HSPG2: variants seen among roughly 807,000 people sequenced by gnomAD.
HSPG2 encodes the protein basement membrane-specific heparan sulfate proteoglycan core protein.
Under a neutral mutation model 526.6 loss-of-function variants are expected in HSPG2, and 278 were observed. The ratio of observed to expected loss-of-function variants is 0.53; its 90% CI spans 0.48 to 0.58. The LOEUF is 0.58. Among genes scored for constraint, HSPG2 ranks in the 20% least tolerant of loss-of-function variants. HSPG2 has a pLI of 0.00. For synonymous variants in HSPG2, 2,465 were observed against 2,555.4 expected (o/e 0.96, Z 1.07); for missense variants, 5,354 against 6,099.5 (o/e 0.88, Z 4.07).
At chr1:21,891,063 C>G (rs1167013199) in intron 3 of HSPG2, among the ~76,000 whole-genome samples, 1 of 152,190 alleles carries the variant, frequency 6.6e-6, no homozygotes, top group Non-Finnish European at 1.5e-5. Flanking sequence ...GCTCTGCCAG[C>G]CTTCCTCGGT....
rs1373524648 is a variant in HSPG2 at position 21,839,142 on chromosome 1, A to C, written c.9890-57T>G. On this transcript the variant is annotated intron_variant, in intron 73 of 96. Transcript: ENST00000374695. The surrounding 1 kb of genome is among the most constrained non-coding windows in gnomAD (Gnocchi z 4.5). The stretch of plus-strand genomic sequence containing the variant: ...GGAGGGCAAAGGTCAGAATGGCAGC[A>C]GGTCGTTGGATCCAGTGTCCAGGGA... 6.5e-7 allele frequency: 1 copy of C among 1,544,630 alleles called. No individual in the cohort carries two copies. The highest frequency in any genetic ancestry group is 8.8e-7 in the Non-Finnish European group (1 of 1,142,440).
chr1:21,855,558 C>T lies in HSPG2; in HGVS notation c.5819G>A (p.Gly1940Glu), dbSNP rs963341692. 6.2e-7 allele frequency: 1 copy of T among 1,603,480 alleles called. No homozygotes were observed. The highest frequency in any genetic ancestry group is 8.5e-7 in the Non-Finnish European group (1 of 1,176,380). ...QYLCRAHSSA[G>E]QQVARAVLHV... Reference sequence around the variant, plus strand: ...GAGCACAGCCCTGGCCACCTGCTGCCCAGCGCTGCTGTGGGCTCGGCACAA... The same window carrying T: ...GAGCACAGCCCTGGCCACCTGCTGCTCAGCGCTGCTGTGGGCTCGGCACAA... Residue 1940 changes from glycine (G) to glutamate (E), a missense_variant, in exon 46 of 97, where the codon GGG becomes GAG. By Grantham distance (98) the Gly-to-Glu change is moderately conservative. Coordinates refer to ENST00000374695, the MANE Select transcript of HSPG2 (RefSeq NM_005529.7).
intron 1 of HSPG2, among the ~76,000 whole-genome samples, chr1:21,934,282 G>A (rs1158121393): frequency 6.6e-6 from 1 of 152,256 alleles, no homozygotes; most frequent in Non-Finnish European, 1.5e-5. Flanking sequence ...GGGCAGATGA[G>A]AGCAAGGGTA....
intron 33 of HSPG2, among the ~76,000 whole-genome samples, chr1:21,871,363 G>A (rs1377730717): frequency 1.3e-5 from 2 of 149,168 alleles, no homozygotes; most frequent in African/African-American, 4.9e-5. Context: ...GGGTACCAGC[G>A]ATCCTCCCAC....
chr1:21,878,655 T>A lies in HSPG2; in HGVS notation c.2480A>T (p.Asp827Val), dbSNP rs752992263. ...GCCATCCGTGTCCAGGAAGCAAGTGTCTGAGAATCTGCAGGTATCAAGTGG... is the reference window on the plus strand; with the variant it reads ...GCCATCCGTGTCCAGGAAGCAAGTGACTGAGAATCTGCAGGTATCAAGTGG... ...PYIDASRRFS[D>V]TCFLDTDGQA... is the part of the protein sequence containing the mutation. The change falls in exon 19 of 97, where the codon GAC becomes GTC. Residue 827 changes from aspartate to valine, a missense_variant. Physicochemically the swap from Asp to Val is radical, Grantham distance 152. Coordinates refer to ENST00000374695, the MANE Select transcript of HSPG2 (RefSeq NM_005529.7). 2 of 1,614,002 alleles carry A rather than the reference T, an allele frequency of 1.2e-6. No homozygotes were observed. The highest frequency in any genetic ancestry group is 1.7e-6 in the Non-Finnish European group (2 of 1,179,940).
intron 1 of HSPG2, among the ~76,000 whole-genome samples, chr1:21,927,595 C>T (rs112663661): frequency 0.03 from 4,498 of 152,224 alleles, 123 homozygotes; most frequent in African/African-American, 0.069. Flanking sequence ...ATGGGAGCCC[C>T]TGGCCACACC....
chr1:21,873,156 C>T, intron 30 of HSPG2, 65 bp from the exon 31 acceptor site: 10 of 1,365,486 alleles, frequency 7.3e-6, no homozygotes, highest in Admixed American at 1.7e-5. Context: ...CTTCCCTCCA[C>T]TCTGCTCACC....
At chr1:21,857,629 A>G (rs1572250314) in intron 42 of HSPG2, among the ~76,000 whole-genome samples, 1 of 152,044 alleles carries the variant, frequency 6.6e-6, no homozygotes, top group East Asian at 1.9e-4. Flanking sequence ...ACTTGGCTCC[A>G]GTTCCTGATC....
chr1:21,900,028 G>A (rs1175819254), intron 1 of HSPG2, among the ~76,000 whole-genome samples: 2 of 152,220 alleles, frequency 1.3e-5, no homozygotes, highest in Non-Finnish European at 2.9e-5. Flanking sequence ...TCCCAAGGAG[G>A]GCCATTAGCA....
At position 21,828,962 on chromosome 1, in the gene HSPG2, C is replaced by A. The variant is rs143015575; in HGVS notation, c.12110G>T (p.Arg4037Leu). ...LRVNGGRPVL[R>L]SSPGKSQGLN... ...GCCCTGGCTCTTGCCGGGCGAGGAG[C>A]GCAGCACAGGGCGTCCACCATTCAC... The change falls in exon 88 of 97, where the codon CGC (arginine) becomes CTC (leucine). Residue 4037 changes from arginine (R) to leucine (L), a missense_variant. Coordinates refer to ENST00000374695, the MANE Select transcript of HSPG2 (RefSeq NM_005529.7). This position sits in a 1 kb window ranked among gnomAD's most constrained non-coding sequence, Gnocchi z 6.0. 1.1e-3 allele frequency: 1,668 copies of A among 1,577,798 alleles called. 3 individuals carry two copies. The highest frequency in any genetic ancestry group is 2.0e-3 in the South Asian group (176 of 85,944).
In HSPG2 at chr1:21,913,590, C is replaced by T. The variant is rs892884233; in HGVS notation, c.64-17280G>A. Among the ~76,000 whole-genome samples the T allele has an allele frequency of 2.6e-5, 4 of 152,174 alleles. No individual in the cohort carries two copies. In the East Asian group the frequency reaches 7.7e-4, roughly 29 times the overall value. ...AGGCCTTAGGTTAGCTGCTGGGTCCCCCCAGCCAAAGGGTACCTGTCATTC... is the reference window on the plus strand; with the variant it reads ...AGGCCTTAGGTTAGCTGCTGGGTCCTCCCAGCCAAAGGGTACCTGTCATTC... On this transcript the variant is annotated intron_variant, in intron 1 of 96. Coordinates refer to ENST00000374695, the MANE Select transcript of HSPG2 (RefSeq NM_005529.7).
chr1:21,855,304 C>T lies in HSPG2; in HGVS notation c.5997G>A (p.Gln1999=), dbSNP rs1171959873. ...CTCCTGGGTGGGCCCATCTCCTCACCTGTGGTGGGAGGCTGCCCCCTTCCT... is the reference window on the plus strand; with the variant it reads ...CTCCTGGGTGGGCCCATCTCCTCACTTGTGGTGGGAGGCTGCCCCCTTCCT... ...WRKEGGSLPP[Q]ARSERTDIAT... The change falls in exon 47 of 97, where the codon CAG becomes CAA. Residue 1999 remains glutamine (Q), a splice_region_variant and synonymous_variant. Transcript: ENST00000374695. 1.9e-6 allele frequency: 3 copies of T among 1,602,690 alleles called. No individual in the cohort carries two copies. Among genetic ancestry groups the T allele is most frequent in the Non-Finnish European group, 8.5e-7 (1 of 1,175,728 alleles).
intron 44 of HSPG2, 101 bp downstream of exon 44, chr1:21,856,914 G>T (rs920697744): frequency 4.8e-6 from 6 of 1,258,750 alleles, no homozygotes; most frequent in Admixed American, 3.4e-5. Context: ...CATGCAGCAG[G>T]TGCTCAGAAA....
At chr1:21,869,586 A>T in intron 33 of HSPG2, 1 of 985,874 alleles carries the variant, frequency 1.0e-6, no homozygotes, top group Non-Finnish European at 1.2e-6. Context: ...GCCCCTGGGG[A>T]GGGGGTTGGG....
In HSPG2 at chr1:21,836,660, A is replaced by C. The variant is rs12567651; in HGVS notation, c.10355+142T>G. On this transcript the variant is annotated intron_variant, in intron 75 of 96. Transcript: ENST00000374695. Reference sequence around the variant, plus strand: ...TATATAACCCACTGTACAGCTGAGAACACTGAGGCTCAGAGAGGTAAAGTG... The same window carrying C: ...TATATAACCCACTGTACAGCTGAGACCACTGAGGCTCAGAGAGGTAAAGTG... 0.35 allele frequency: 256,459 copies of C among 741,088 alleles called. 48,140 individuals are homozygous for C. The highest frequency in any genetic ancestry group is 0.41 in the Middle Eastern group (1,123 of 2,718). 45.9% of individuals were successfully genotyped at this position (741,088 alleles called of 1,614,324 possible). A position where few individuals can be genotyped will look rare whatever the true frequency, so the allele number is the denominator to read the frequency against.
rs1450076094 is a variant in HSPG2, at chr1:21,857,117, G to C, written c.5473C>G (p.Leu1825Val). 6.2e-6 allele frequency: 10 copies of C among 1,614,172 alleles called. No homozygotes were observed. The highest frequency in any genetic ancestry group is 8.5e-6 in the Non-Finnish European group (10 of 1,180,036). ...PTRAMDFNGI[L>V]TIRNVQLSDA... ...CTCAGCTGGACGTTGCGAATGGTCA[G>C]GATGCCATTGAAATCCATGGCTCGG... Residue 1825 changes from leucine (L) to valine (V), a missense_variant, in exon 44 of 97, where the codon CTG becomes GTG. Transcript: ENST00000374695.
Position 21,880,645 on chromosome 1 carries a change from G to A in HSPG2, c.1998+11C>T, listed in dbSNP as rs1477416299. ...TTTGCTCCCAGCCCTAAGGGCTCAG[G>A]CGCCACCCACCTCAGAGAACTGGAC... On this transcript the variant is annotated intron_variant, in intron 15 of 96. Coordinates refer to ENST00000374695, the MANE Select transcript of HSPG2 (RefSeq NM_005529.7). 14 of 1,593,240 alleles carry A rather than the reference G, an allele frequency of 8.8e-6. No individual in the cohort carries two copies. In the Admixed American group the frequency reaches 1.9e-4, roughly 22 times the overall value.
At position 21,852,068 on chromosome 1, in the gene HSPG2, A is replaced by G. The variant is rs772731901; in HGVS notation, c.6870+20T>C. 6.2e-7 allele frequency: 1 copy of G among 1,611,338 alleles called. No homozygotes were observed. Among genetic ancestry groups the G allele is most frequent in the South Asian group, 1.1e-5 (1 of 90,932 alleles). On this transcript the variant is annotated intron_variant, in intron 53 of 96. Transcript: ENST00000374695. ...AACCCACTGTCCATGGCCCCGTCCC[A>G]CATTCTTGGTGCCCTGTACCTGGTG...
At chr1:21,854,795 C>G (rs766815869) in intron 48 of HSPG2, 30 bp from the exon 49 acceptor site, 1 of 1,613,116 alleles carries the variant, frequency 6.2e-7, no homozygotes, top group South Asian at 1.1e-5. Flanking sequence ...CAGCAGGCCC[C>G]AGGGGAGCCC....
Sources: allele counts gnomAD v4.1 joint callset (sites outside exome capture counted in the v4.1 genomes callset), GRCh38; gene constraint gnomAD v4.1.1; non-coding constraint Gnocchi (gnomAD v3.1); transcripts MANE v1.5; gene names NCBI Gene and HGNC (gene_info 2026-07-23, HGNC 2026-07-21).